The following CRAT variants were observed in gnomAD, a reference collection of about 807,000 sequenced individuals.
CRAT encodes the protein carnitine acetylase.
A neutral mutation model predicts 73.7 loss-of-function variants in CRAT; 66 were observed. The ratio of observed to expected loss-of-function variants is 0.90; its 90% CI spans 0.73 to 1.10. CRAT has a LOEUF of 1.10. Among genes scored for constraint, CRAT ranks in the 50% least tolerant of loss-of-function variants. CRAT has a pLI of 0.00. For synonymous variants in CRAT, 321 were observed against 343.2 expected, an observed-to-expected ratio of 0.94 and a Z score of 0.71; for missense variants, 745 against 846.9, an observed-to-expected ratio of 0.88 and a Z score of 1.49.
chr9:129,097,766 G>A (rs903721921), intron 11 of CRAT: 24 of 531,248 alleles, frequency 4.5e-5, no homozygotes, highest in Middle Eastern at 5.0e-4. Flanking sequence ...TTGGTCCTCA[G>A]CCAGGGCCTG....
Position 129,108,165 on chromosome 9 carries a change from C to G in CRAT, c.28-88G>C, listed in dbSNP as rs185840319. 3 of 1,452,046 alleles carry G rather than the reference C, an allele frequency of 2.1e-6. No individual in the cohort carries two copies. In the South Asian group the frequency reaches 4.5e-5, roughly 22 times the overall value. The allele number at this position is 1,452,046 out of a possible 1,614,324, so 89.9% of individuals were successfully genotyped here. A position where few individuals can be genotyped will look rare whatever the true frequency, so the allele number is the denominator to read the frequency against. ...GCTGTAGTCCTGGGCACTTAAGTGC[C>G]CATCCCTGGGGGCAGAGACGGCCTC... is the stretch of plus-strand genomic sequence containing the variant. On this transcript the variant is annotated intron_variant, in intron 1 of 13. Transcript: ENST00000318080.
chr9:129,107,663 T>C lies in CRAT; in HGVS notation c.291+151A>G, dbSNP rs1364075323. 3 of 1,080,388 alleles carry C rather than the reference T, an allele frequency of 2.8e-6. No individual in the cohort carries two copies. Among genetic ancestry groups the C allele is most frequent in the Non-Finnish European group, 1.4e-6 (1 of 715,400 alleles). 66.9% of individuals were successfully genotyped at this position (1,080,388 alleles called of 1,614,324 possible). ...AAGGAGCTGGTGACTGTGTCCTTCTTGATCACCCAGCACCCTGCCAAGTGC... is the reference window on the plus strand; with the variant it reads ...AAGGAGCTGGTGACTGTGTCCTTCTCGATCACCCAGCACCCTGCCAAGTGC... On this transcript the variant is annotated intron_variant, in intron 2 of 13. Coordinates refer to ENST00000318080, the MANE Select transcript of CRAT (RefSeq NM_000755.5). The surrounding 1 kb of genome is among the most constrained non-coding windows in gnomAD (Gnocchi z 5.0).
At position 129,098,639 on chromosome 9, in the gene CRAT, T is replaced by C. The variant is rs759192264; in HGVS notation, c.1097A>G (p.Glu366Gly). 1.9e-5 allele frequency: 31 copies of C among 1,603,008 alleles called. No individual in the cohort carries two copies. The highest frequency in any genetic ancestry group is 2.6e-5 in the Non-Finnish European group (31 of 1,177,202). The part of the protein sequence containing the change: ...DYVIEYTKKP[E>G]LVRSPLVPLP... ...GGGCACCAGGGGAGACCGCACAAGCTCGGGTTTCTTCCTGCACAGTAAACG... is the reference window on the plus strand; with the variant it reads ...GGGCACCAGGGGAGACCGCACAAGCCCGGGTTTCTTCCTGCACAGTAAACG... Residue 366 changes from glutamate to glycine, a missense_variant, in exon 9 of 14, where the codon GAG becomes GGG. Physicochemically the swap from Glu to Gly is moderately conservative, Grantham distance 98. Coordinates refer to ENST00000318080, the MANE Select transcript of CRAT (RefSeq NM_000755.5).
chr9:129,097,135 G>T, intron 12 of CRAT, 115 bp downstream of exon 12: 2 of 858,802 alleles, frequency 2.3e-6, no homozygotes, highest in Non-Finnish European at 1.7e-6. Context: ...GGTTGGGGGA[G>T]ATGTGGTCCT....
At chr9:129,109,336 A>G in intron 1 of CRAT, 19 of 1,231,334 alleles carry the variant, frequency 1.5e-5, no homozygotes, top group Non-Finnish European at 1.9e-5. Context: ...AGTGGATGGG[A>G]CAGCCAGAAG....
intron 4 of CRAT, among the ~76,000 whole-genome samples, 173 bp from the exon 5 acceptor site, chr9:129,102,738 C>T (rs562976811): frequency 1.3e-5 from 2 of 152,178 alleles, no homozygotes; most frequent in African/African-American, 4.8e-5. Flanking sequence ...CGCTTTCTGC[C>T]CCAGATGGGC....
intron 2 of CRAT, among the ~76,000 whole-genome samples, chr9:129,104,969 C>T (rs56887900): frequency 0.012 from 1,668 of 141,176 alleles, 42 homozygotes; most frequent in East Asian, 0.11. Flanking sequence ...GGCATGATCT[C>T]GGCTCACTGC....
intron 7 of CRAT, 44 bp from the exon 8 acceptor site, chr9:129,100,010 G>T (rs1453189057): frequency 3.2e-6 from 5 of 1,567,982 alleles, no homozygotes; most frequent in Non-Finnish European, 4.4e-6. Context: ...AGGGCCCTGG[G>T]GGGTGGCCCC....
In CRAT at chr9:129,108,369, C is replaced by T. The variant is rs575718382; in HGVS notation, c.28-292G>A. On this transcript the variant is annotated intron_variant, in intron 1 of 13. Coordinates refer to ENST00000318080, the MANE Select transcript of CRAT (RefSeq NM_000755.5). ...TTGGGGTGGCAGAGGTGAGGGGGAC[C>T]GCCCACCTGTTGGGTTGCACAGGCC... 4.3e-4 allele frequency: 526 copies of T among 1,225,614 alleles called. 1 individual carries two copies. The African/African-American group carries it at 7.5e-3, about 18-fold the overall frequency. The allele number at this position is 1,225,614 out of a possible 1,614,324, so 75.9% of individuals were successfully genotyped here.
intron 12 of CRAT, 76 bp downstream of exon 12, chr9:129,097,174 G>C: frequency 7.5e-7 from 1 of 1,330,604 alleles, no homozygotes; most frequent in Admixed American, 2.3e-5. Flanking sequence ...ATTGGCTGCA[G>C]GGACGGACAG....
At position 129,097,306 on chromosome 9, in the gene CRAT, G is replaced by T; in HGVS notation, c.1471C>A (p.Gln491Lys). The change falls in exon 12 of 14, where the codon CAG becomes AAG. Residue 491 changes from glutamine (Q) to lysine (K), a missense_variant. Transcript: ENST00000318080. ...AMDDSSVTEHQKVELLRKAVQ... is the reference protein window; with the variant it reads ...AMDDSSVTEHKKVELLRKAVQ... ...GCCTTCCGCAGCAGCTCCACCTTCT[G>T]GTGCTCCTAGAGTGGTGAGGGTCAG... The T allele has an allele frequency of 6.4e-7, 1 of 1,565,858 alleles. No homozygotes were observed. Among genetic ancestry groups the T allele is most frequent in the East Asian group, 2.3e-5 (1 of 43,102 alleles).
chr9:129,099,165 C>CA lies in CRAT; in HGVS notation c.1086-516dup, dbSNP rs1261352262. On this transcript the variant is annotated intron_variant, in intron 8 of 13. Transcript: ENST00000318080. ...AACTTTTTTTTTTTTTTTTTTGAAA[C>CA]AGAGTCTCATTCTGTCACCCAGGCT... Among the ~76,000 whole-genome samples the CA allele has an allele frequency of 3.1e-5, 4 of 130,486 alleles. 1 individual carries two copies. The highest frequency in any genetic ancestry group is 3.2e-5 in the Non-Finnish European group (2 of 61,824). The allele number at this position is 130,486 out of a possible 152,430, so 85.6% of individuals were successfully genotyped here. A position where few individuals can be genotyped will look rare whatever the true frequency, so the allele number is the denominator to read the frequency against.
Position 129,101,960 on chromosome 9 carries a change from G to T in CRAT, c.728C>A (p.Thr243Asn), listed in dbSNP as rs1847699830. ...LEKIWNSSLQTNKEPVGILTS... is the reference protein window; with the variant it reads ...LEKIWNSSLQNNKEPVGILTS... ...GAGGATGCCCACAGGCTCCTTGTTGGTCTGTAGGGATGAGTTCCAGATCTT... is the reference window on the plus strand; with the variant it reads ...GAGGATGCCCACAGGCTCCTTGTTGTTCTGTAGGGATGAGTTCCAGATCTT... Residue 243 changes from threonine to asparagine, a missense_variant, in exon 6 of 14, where the codon ACC becomes AAC. By Grantham distance (65) the Thr-to-Asn change is moderately conservative. Transcript: ENST00000318080. The T allele has an allele frequency of 1.2e-6, 2 of 1,614,086 alleles. No homozygotes were observed. Among genetic ancestry groups the T allele is most frequent in the East Asian group, 2.2e-5 (1 of 44,898 alleles).
At chr9:129,108,605 C>A in intron 1 of CRAT, 1 of 1,088,190 alleles carries the variant, frequency 9.2e-7, no homozygotes, top group Non-Finnish European at 1.2e-6. Context: ...GGGGTGAGGG[C>A]AGTGCTGTGG....
chr9:129,102,399 C>T lies in CRAT; in HGVS notation c.630+1G>A, dbSNP rs375982301. 1.9e-6 allele frequency: 3 copies of T among 1,613,954 alleles called. No individual in the cohort carries two copies. The highest frequency in any genetic ancestry group is 2.7e-5 in the African/African-American group (2 of 74,926). ...TGTAGGTGTGGGTGGGGGCCACCCA[C>T]CTGGTAGTTGTGTACCACGGTGATG... is the stretch of plus-strand genomic sequence containing the variant. On this transcript the variant is annotated splice_donor_variant, in intron 5 of 13. Transcript: ENST00000318080. LOFTEE classifies it high-confidence loss of function.
rs778580722 is a variant in CRAT at position 129,095,476 on chromosome 9, G to A, written c.1802C>T (p.Ala601Val). Residue 601 changes from alanine (A) to valine (V), a missense_variant, in exon 14 of 14, where the codon GCC (alanine) becomes GTC (valine). Ala to Val is a moderately conservative substitution (Grantham distance 64). Transcript: ENST00000318080. The stretch of plus-strand genomic sequence containing the variant: ...CTTCTCCAGGTAATGCGCCAGGCGG[G>A]CGGCGTTGGTCTCCGCGCAGCTGTT... Reference protein sequence around the residue: ...AYNSCAETNAARLAHYLEKAL... With the variant: ...AYNSCAETNAVRLAHYLEKAL... 2 of 1,613,484 alleles carry A rather than the reference G, an allele frequency of 1.2e-6. No individual in the cohort carries two copies. The highest frequency in any genetic ancestry group is 2.2e-5 in the South Asian group (2 of 91,090).
In CRAT at chr9:129,095,251, G is replaced by A. The variant is rs1847200772; in HGVS notation, c.*146C>T. On this transcript the variant is annotated 3_prime_UTR_variant, in exon 14 of 14. Coordinates refer to ENST00000318080, the MANE Select transcript of CRAT (RefSeq NM_000755.5). ...CTTGGCTGGGGCCTGCAGGCCCCCTGGAGGATGCGGTCCGTGGCTCAGTAG... is the reference window on the plus strand; with the variant it reads ...CTTGGCTGGGGCCTGCAGGCCCCCTAGAGGATGCGGTCCGTGGCTCAGTAG... The A allele has an allele frequency of 1.1e-6, 1 of 885,776 alleles. No homozygotes were observed. The highest frequency in any genetic ancestry group is 1.7e-5 in the African/African-American group (1 of 59,752). The allele number at this position is 885,776 out of a possible 1,614,324, so 54.9% of individuals were successfully genotyped here.
At position 129,096,144 on chromosome 9, in the gene CRAT, G is replaced by T; in HGVS notation, c.1528-9C>A. On this transcript the variant is annotated splice_polypyrimidine_tract_variant and intron_variant, in intron 12 of 13. Transcript: ENST00000318080. ...GCCTCCCCGCGGATGGCCTGTTGGG[G>T]TGGGAGAGCTGTCAGGAGCAGGGGC... The T allele has an allele frequency of 6.2e-7, 1 of 1,612,306 alleles. No homozygotes were observed. Among genetic ancestry groups the T allele is most frequent in the South Asian group, 1.1e-5 (1 of 91,044 alleles).
rs1427677384 is a variant in CRAT, at chr9:129,095,603, T to G, written c.1675A>C (p.Lys559Gln). Residue 559 changes from lysine (K) to glutamine (Q), a missense_variant, in exon 14 of 14, where the codon AAG becomes CAG. Transcript: ENST00000318080. ...CCGAAGAACATGACACAGTCTGTCT[T>G]GGCAGGGACCTGGGGACGGCAGGAT... ...FHLSTSQVPA[K>Q]TDCVMFFGPV... The G allele has an allele frequency of 6.2e-7, 1 of 1,612,784 alleles. No individual in the cohort carries two copies. The highest frequency in any genetic ancestry group is 1.1e-5 in the South Asian group (1 of 91,044).
Sources: allele counts gnomAD v4.1 joint callset (sites outside exome capture counted in the v4.1 genomes callset), GRCh38; gene constraint gnomAD v4.1.1; non-coding constraint Gnocchi (gnomAD v3.1); transcripts MANE v1.5; gene names NCBI Gene and HGNC (gene_info 2026-07-23, HGNC 2026-07-21).